The following CPAP variants were observed in gnomAD, a reference collection of about 807,000 sequenced individuals.
The protein encoded by CPAP is centrosomal P4.1-associated protein.
chr13:24,912,671 C>T, the CPAP span: 7 of 1,613,276 alleles, frequency 4.3e-6, no homozygotes, highest in African/African-American at 2.7e-5. Context: ...TTGTTTTCTT[C>T]CTGGTGTCCA....
chr13:24,882,843 C>A, the CPAP span: 1 of 333,732 alleles, frequency 3.0e-6, no homozygotes, highest in Non-Finnish European at 5.7e-6. Context: ...GTCTGTGGGA[C>A]ATCTAGGTGA....
the CPAP span, among the ~76,000 whole-genome samples, chr13:24,896,087 A>G: frequency 6.6e-6 from 1 of 152,232 alleles, no homozygotes; most frequent in African/African-American, 2.4e-5. Context: ...TTTGCACAGA[A>G]GTAAAAAGAA....
chr13:24,906,654 A>G, the CPAP span: 4 of 1,614,116 alleles, frequency 2.5e-6, no homozygotes, highest in East Asian at 2.2e-5. Flanking sequence ...CTGTTACTAC[A>G]CTTCAGCATT....
At chr13:24,921,343 A>G in the CPAP span, among the ~76,000 whole-genome samples, 1 of 135,820 alleles carries the variant, frequency 7.4e-6, no homozygotes, top group East Asian at 2.1e-4. Context: ...TTTTTATAAA[A>G]CCTCCAGCTT....
At chr13:24,918,162 T>C in the CPAP span, among the ~76,000 whole-genome samples, 1 of 152,262 alleles carries the variant, frequency 6.6e-6, no homozygotes, top group South Asian at 2.1e-4. Flanking sequence ...TATGGAAGAC[T>C]CAAGTGGAGA....
the CPAP span, chr13:24,932,942 A>G: frequency 8.7e-7 from 1 of 1,151,440 alleles, no homozygotes; most frequent in East Asian, 2.4e-5. Flanking sequence ...ATGTATAACA[A>G]TTCTAAATTC....
chr13:24,892,263 G>C, the CPAP span, among the ~76,000 whole-genome samples: 2 of 152,218 alleles, frequency 1.3e-5, no homozygotes, highest in African/African-American at 4.8e-5. Flanking sequence ...TTTTAACAGA[G>C]ATGATCTGCC....
At chr13:24,885,532 G>A in the CPAP span, 23 of 1,287,332 alleles carry the variant, frequency 1.8e-5, no homozygotes, top group Admixed American at 5.1e-5. Context: ...GTTTAGAAAC[G>A]TTAAGTCTAT....
At chr13:24,906,668 G>A in the CPAP span, 12 of 1,614,076 alleles carry the variant, frequency 7.4e-6, no homozygotes, top group Middle Eastern at 1.6e-4. Context: ...CAGCATTTTC[G>A]GCTTCTGACT....
chr13:24,930,093 G>C, the CPAP span, among the ~76,000 whole-genome samples: 1 of 151,168 alleles, frequency 6.6e-6, no homozygotes, highest in African/African-American at 2.4e-5. Context: ...TAATTTTTTT[G>C]TAAAGATGGG....
At chr13:24,891,031 A>C in the CPAP span, among the ~76,000 whole-genome samples, 1 of 151,770 alleles carries the variant, frequency 6.6e-6, no homozygotes, top group African/African-American at 2.4e-5. Context: ...AAACTATTAA[A>C]CAAAGCTGTT....
the CPAP span, among the ~76,000 whole-genome samples, chr13:24,923,129 A>G: frequency 6.6e-6 from 1 of 152,188 alleles, no homozygotes; most frequent in Non-Finnish European, 1.5e-5. Context: ...TTAGAAAACT[A>G]AAGGGAACGC....
chr13:24,884,182 G>C, the CPAP span: 20 of 1,614,184 alleles, frequency 1.2e-5, no homozygotes, highest in South Asian at 2.0e-4. Flanking sequence ...CTTGAGAAAT[G>C]TAAGACTTCC....
At chr13:24,889,676 G>A in the CPAP span, among the ~76,000 whole-genome samples, 1 of 152,138 alleles carries the variant, frequency 6.6e-6, no homozygotes, top group Non-Finnish European at 1.5e-5. Context: ...CCATTACAGA[G>A]CAGAGGAGGA....
At chr13:24,905,262 T>G in the CPAP span, 1 of 1,299,984 alleles carries the variant, frequency 7.7e-7, no homozygotes. Flanking sequence ...TAAGGAAAGT[T>G]AGGATTTTAA....
the CPAP span, chr13:24,884,129 G>GAAGT: frequency 6.2e-7 from 1 of 1,612,716 alleles, no homozygotes; most frequent in Admixed American, 1.7e-5. Flanking sequence ...AGGAAGGGAA[G>GAAGT]AATTTAATGA....
At chr13:24,893,800 T>C in the CPAP span, among the ~76,000 whole-genome samples, 1 of 152,212 alleles carries the variant, frequency 6.6e-6, no homozygotes, top group African/African-American at 2.4e-5. Flanking sequence ...GGGTTCAGAA[T>C]TCAAGAGCAA....
At chr13:24,900,954 C>T in the CPAP span, among the ~76,000 whole-genome samples, 6 of 152,108 alleles carry the variant, frequency 3.9e-5, no homozygotes, top group Admixed American at 6.5e-5. Context: ...CAGGAGGGAA[C>T]GTCAGGAGCT....
chr13:24,892,760 TCTGA>T, the CPAP span: 2 of 1,614,050 alleles, frequency 1.2e-6, no homozygotes, highest in Admixed American at 1.7e-5. Flanking sequence ...CTGTGTTCTC[TCTGA>T]CTAACATTTG....
Sources: gnomAD v4.1 joint callset for allele counts (sites outside exome capture counted in the v4.1 genomes callset) on GRCh38, gnomAD v4.1.1 for gene constraint, MANE v1.5 for transcripts, NCBI Gene and HGNC (gene_info 2026-07-23, HGNC 2026-07-21) for gene names.